Variants in ASTN2 observed in about 807,000 individuals in gnomAD.
ASTN2 encodes astrotactin 2, also known as astrotactin-2.
A neutral mutation model predicts 139.8 loss-of-function variants in ASTN2; 54 were observed. The ratio of observed to expected loss-of-function variants is 0.39; its 90% CI spans 0.31 to 0.48. The LOEUF is 0.48. Ranked by LOEUF, ASTN2 falls within the 20% of genes least tolerant of loss-of-function variation. ASTN2 has a pLI of 0.95. For missense variants in ASTN2, 1,565 were observed against 1,725.1 expected (o/e 0.91, Z 1.64); for synonymous variants, 756 against 719.5 (o/e 1.05, Z -0.81).
chr9:116,662,901 T>C (rs1469759505), intron 16 of ASTN2, among the ~76,000 whole-genome samples: 1 of 152,128 alleles, frequency 6.6e-6, no homozygotes, highest in Non-Finnish European at 1.5e-5. Flanking sequence ...TTCCGAGAAG[T>C]GACAGACTGC....
intron 13 of ASTN2, among the ~76,000 whole-genome samples, chr9:116,794,782 A>G (rs1040683379): frequency 1.1e-4 from 17 of 152,276 alleles, no homozygotes; most frequent in African/African-American, 4.1e-4. Flanking sequence ...CTTTAAGGGT[A>G]TTGGGAAATG....
chr9:117,250,789 A>G (rs1267564343), intron 2 of ASTN2, among the ~76,000 whole-genome samples: 1 of 152,166 alleles, frequency 6.6e-6, no homozygotes, highest in Non-Finnish European at 1.5e-5. Context: ...GGAAACACAG[A>G]CTGAGAGAAG....
In ASTN2 at chr9:117,223,722, T is replaced by A. The variant is rs539823414; in HGVS notation, c.631-8980A>T. On this transcript the variant is annotated intron_variant, in intron 2 of 22. Transcript: ENST00000313400. Reference sequence around the variant, plus strand: ...ATAAGAATTTGCATGTATACATGTATGTGATTATGTATGTATTCACATTTG... The same window carrying A: ...ATAAGAATTTGCATGTATACATGTAAGTGATTATGTATGTATTCACATTTG... Among the ~76,000 whole-genome samples the A allele has an allele frequency of 5.3e-5, 8 of 152,328 alleles. No individual in the cohort carries two copies. In the East Asian group the frequency reaches 1.5e-3, roughly 29 times the overall value.
chr9:116,433,469 T>C (rs1847557888), intron 22 of ASTN2, among the ~76,000 whole-genome samples: 1 of 152,198 alleles, frequency 6.6e-6, no homozygotes, highest in Non-Finnish European at 1.5e-5. Context: ...GTGTACACTG[T>C]TAACAATGTA....
At chr9:116,858,156 C>T (rs1832789328) in intron 11 of ASTN2, among the ~76,000 whole-genome samples, 1 of 152,184 alleles carries the variant, frequency 6.6e-6, no homozygotes. Context: ...CCCAGATGCC[C>T]CATCTGTCTT....
At chr9:116,776,433 C>A (rs770586868) in intron 13 of ASTN2, among the ~76,000 whole-genome samples, 4 of 152,156 alleles carry the variant, frequency 2.6e-5, no homozygotes, top group Non-Finnish European at 4.4e-5. Flanking sequence ...GGGTTACCTG[C>A]CTGCAGGTCA....
At chr9:117,045,313 C>T (rs577424445) in intron 5 of ASTN2, among the ~76,000 whole-genome samples, 59 of 122,178 alleles carry the variant, frequency 4.8e-4, no homozygotes, top group African/African-American at 1.9e-3. Context: ...GATCATATTG[C>T]CTGAGTATTT....
chr9:117,208,411 A>G (rs1832009433), intron 3 of ASTN2, among the ~76,000 whole-genome samples: 1 of 152,100 alleles, frequency 6.6e-6, no homozygotes, highest in Admixed American at 6.5e-5. Context: ...AGCAGAAAAA[A>G]AAATCTAAAC....
intron 1 of ASTN2, among the ~76,000 whole-genome samples, chr9:117,386,567 C>T (rs745569917): frequency 4.6e-5 from 7 of 152,098 alleles, no homozygotes; most frequent in Non-Finnish European, 1.0e-4. Context: ...CTTTGGACTG[C>T]AGTTCTGGGA....
intron 4 of ASTN2, among the ~76,000 whole-genome samples, chr9:117,116,430 G>A (rs1829392536): frequency 6.6e-6 from 1 of 152,110 alleles, no homozygotes; most frequent in Non-Finnish European, 1.5e-5. Flanking sequence ...AGGCACTACA[G>A]GGTCTTTATC....
chr9:117,150,563 A>G (rs545096342), intron 3 of ASTN2, among the ~76,000 whole-genome samples: 5 of 152,190 alleles, frequency 3.3e-5, no homozygotes, highest in Non-Finnish European at 7.3e-5. Context: ...CAGCTGTGAG[A>G]CTTGGGCAAA....
At chr9:116,717,177 T>G (rs1828334472) in intron 16 of ASTN2, among the ~76,000 whole-genome samples, 1 of 152,220 alleles carries the variant, frequency 6.6e-6, no homozygotes, top group Non-Finnish European at 1.5e-5. Flanking sequence ...TATGTGAAAG[T>G]GCTTTGTGTG....
chr9:117,381,561 G>C (rs1161531485), intron 1 of ASTN2, among the ~76,000 whole-genome samples: 1 of 152,016 alleles, frequency 6.6e-6, no homozygotes, highest in African/African-American at 2.4e-5. Flanking sequence ...TCTTGCTCCT[G>C]CTTTTGCCAT....
At chr9:116,810,216 C>T (rs1445529658) in intron 12 of ASTN2, among the ~76,000 whole-genome samples, 1 of 152,166 alleles carries the variant, frequency 6.6e-6, no homozygotes, top group East Asian at 1.9e-4. Flanking sequence ...CTCTATTTAT[C>T]AACTGTTCTT....
chr9:117,334,858 A>T (rs535531788), intron 1 of ASTN2, among the ~76,000 whole-genome samples: 15 of 152,300 alleles, frequency 9.8e-5, no homozygotes, highest in South Asian at 8.3e-4. Context: ...GTTTGAGATC[A>T]TCCTGGCCAA....
intron 3 of ASTN2, among the ~76,000 whole-genome samples, chr9:117,160,909 T>A (rs2132900979): frequency 6.6e-6 from 1 of 152,050 alleles, no homozygotes; most frequent in Non-Finnish European, 1.5e-5. Flanking sequence ...GATTTCATGT[T>A]GGTACTAATG....
At chr9:116,741,940 T>G (rs895683294) in intron 13 of ASTN2, among the ~76,000 whole-genome samples, 2 of 152,230 alleles carry the variant, frequency 1.3e-5, no homozygotes, top group Non-Finnish European at 2.9e-5. Flanking sequence ...CATTCGTTCA[T>G]TCATTCATTC....
At chr9:116,878,102 T>C (rs893193211) in intron 10 of ASTN2, among the ~76,000 whole-genome samples, 1 of 152,204 alleles carries the variant, frequency 6.6e-6, no homozygotes, top group African/African-American at 2.4e-5. Context: ...ACTTTTACAC[T>C]GTTGGAGGGA....
chr9:116,982,987 G>A (rs1316604570), intron 7 of ASTN2, among the ~76,000 whole-genome samples: 1 of 152,136 alleles, frequency 6.6e-6, no homozygotes, highest in African/African-American at 2.4e-5. Flanking sequence ...AGAGTGCAAA[G>A]CCTCCTTCAT....
Sources: allele counts gnomAD v4.1 joint callset (sites outside exome capture counted in the v4.1 genomes callset), GRCh38; gene constraint gnomAD v4.1.1; transcripts MANE v1.5; gene names NCBI Gene and HGNC (gene_info 2026-07-23, HGNC 2026-07-21).